The following HSPA8 variants were observed in gnomAD, a reference collection of about 807,000 sequenced individuals.
HSPA8 encodes the protein heat shock cognate 71 kDa protein.
A neutral mutation model predicts 52.8 loss-of-function variants in HSPA8; 2 were observed. That is an observed-to-expected ratio of 0.04 (90% CI 0.02 to 0.12). The LOEUF is 0.12. Ranked by LOEUF, HSPA8 falls within the 10% of genes least tolerant of loss-of-function variation. HSPA8 has a pLI of 1.00. For synonymous variants in HSPA8, 436 were observed against 274.0 expected (o/e 1.59, Z -5.84); for missense variants, 349 against 800.5 (o/e 0.44, Z 6.81).
rs934123811 is a variant in HSPA8, at chr11:123,062,074, G to C, written c.-16C>G. 6.5e-6 allele frequency: 1 copy of C among 152,718 alleles called. No individual in the cohort carries two copies. Among genetic ancestry groups the C allele is most frequent in the African/African-American group, 2.4e-5 (1 of 41,454 alleles). 9.5% of individuals were successfully genotyped at this position (152,718 alleles called of 1,614,324 possible). On this transcript the variant is annotated 5_prime_UTR_variant, in exon 1 of 9. Transcript: ENST00000534624. ...GAGCAGAGGTTTTACCTGGGGTGTA[G>C]GCCTGGCTCCAATAACGAAGGAAGC...
At chr11:123,059,331 T>A (rs1169096275) in intron 5 of HSPA8, 70 bp from the exon 6 acceptor site, 1 of 1,424,870 alleles carries the variant, frequency 7.0e-7, no homozygotes, top group Non-Finnish European at 9.8e-7. Context: ...GTTTTAACTA[T>A]CACTCGCTCA....
intron 6 of HSPA8, 102 bp downstream of exon 6, chr11:123,058,952 CTGGTG>C (rs541493124): frequency 1.4e-6 from 2 of 1,387,804 alleles, no homozygotes; most frequent in South Asian, 1.2e-5. Context: ...ATAAGACTTT[CTGGTG>C]GAAACTACGA....
intron 1 of HSPA8, 56 bp downstream of exon 1, chr11:123,062,008 G>C (rs1051130080): frequency 6.5e-6 from 1 of 153,996 alleles, no homozygotes; most frequent in Non-Finnish European, 1.4e-5. Flanking sequence ...CAACAGGCCT[G>C]TGTGGAGGCT....
intron 8 of HSPA8, 51 bp from the exon 9 acceptor site, chr11:123,057,970 C>G (rs1301549794): frequency 7.2e-7 from 1 of 1,396,344 alleles, no homozygotes; most frequent in Non-Finnish European, 9.8e-7. Context: ...GTTAATAACC[C>G]TTCTTTCTCC....
chr11:123,058,331 T>C lies in HSPA8; in HGVS notation c.1676A>G (p.Gln559Arg), dbSNP rs1468625294. 4 of 1,613,790 alleles carry C rather than the reference T, an allele frequency of 2.5e-6. No individual in the cohort carries two copies. Among genetic ancestry groups the C allele is most frequent in the African/African-American group, 2.7e-5 (2 of 74,894 alleles). The change falls in exon 8 of 9, where the codon CAA (glutamine) becomes CGA (arginine). Residue 559 changes from glutamine to arginine, a missense_variant. Coordinates refer to ENST00000534624, the MANE Select transcript of HSPA8 (RefSeq NM_006597.6). ...MKATVEDEKLQGKINDEDKQK... is the reference protein window; with the variant it reads ...MKATVEDEKLRGKINDEDKQK... ...TTTGTCCTCATCGTTAATCTTGCCT[T>C]GAAGTTTCTCATCTTCAACAGTTGC...
At position 123,061,205 on chromosome 11, in the gene HSPA8, G is replaced by A. The variant is rs750047710; in HGVS notation, c.120C>T (p.Ser40=). 3.1e-6 allele frequency: 5 copies of A among 1,613,902 alleles called. No individual in the cohort carries two copies. Among genetic ancestry groups the A allele is most frequent in the Admixed American group, 1.7e-5 (1 of 60,014 alleles). ...GTTCAGTGTCCGTAAAGGCGACATA[G>A]CTTGGAGTGGTTCGGTTTCCCTGAT... ...ANDQGNRTTP[S]YVAFTDTERL... is the part of the protein sequence containing the mutation. The change falls in exon 2 of 9, where the codon AGC becomes AGT. Residue 40 remains serine (S), a synonymous_variant. Coordinates refer to ENST00000534624, the MANE Select transcript of HSPA8 (RefSeq NM_006597.6).
intron 4 of HSPA8, 25 bp from the exon 5 acceptor site, chr11:123,060,053 AAAT>A: frequency 1.2e-6 from 2 of 1,614,116 alleles, no homozygotes; most frequent in Non-Finnish European, 1.7e-6. Flanking sequence ...AATCTCATTT[AAAT>A]TTACGATGGA....
chr11:123,059,421 G>GAGTCT, intron 5 of HSPA8, 52 bp downstream of exon 5: 1 of 1,492,968 alleles, frequency 6.7e-7, no homozygotes, highest in Admixed American at 1.8e-5. Context: ...TCATCACAGC[G>GAGTCT]AGTCACCTTG....
intron 3 of HSPA8, 95 bp downstream of exon 3, chr11:123,060,498 T>C (rs1865461924): frequency 9.7e-7 from 1 of 1,034,478 alleles, no homozygotes; most frequent in African/African-American, 1.6e-5. Context: ...CTGAGCCCCA[T>C]CTGTTCCCCT....
chr11:123,058,644 T>C lies in HSPA8; in HGVS notation c.1510A>G (p.Thr504Ala), dbSNP rs2135440025. ...STGKENKITI[T>A]NDKGRLSKED... ...AGTGCCTCCTTACCCTTGTCATTAG[T>C]GATAGTAATCTTGTTCTCTTTTCCC... The change falls in exon 7 of 9, where the codon ACT becomes GCT. Residue 504 changes from threonine to alanine, a missense_variant. By Grantham distance (58) the Thr-to-Ala change is moderately conservative. Coordinates refer to ENST00000534624, the MANE Select transcript of HSPA8 (RefSeq NM_006597.6). 6.2e-7 allele frequency: 1 copy of C among 1,612,898 alleles called. No homozygotes were observed. Among genetic ancestry groups the C allele is most frequent in the South Asian group, 1.1e-5 (1 of 91,074 alleles).
At chr11:123,062,460 G>GA (rs1356419020), upstream of HSPA8, 1 of 152,300 alleles carries the variant, frequency 6.6e-6, no homozygotes, top group African/African-American at 2.4e-5. Context: ...CCGGGCGGGG[G>GA]AGGGGAGCGT....
At position 123,059,245 on chromosome 11, in the gene HSPA8, G is replaced by A. The variant is rs1197728906; in HGVS notation, c.1137C>T (p.Ile379=). 1.9e-6 allele frequency: 3 copies of A among 1,612,836 alleles called. No individual in the cohort carries two copies. Among genetic ancestry groups the A allele is most frequent in the African/African-American group, 2.7e-5 (2 of 74,880 alleles). The part of the protein sequence containing the change: ...VAYGAAVQAA[I]LSGDKSENVQ... ...CATTCTCAGACTTGTCTCCAGACAA[G>A]ATGGCTGCCTGGACAGCTAGCAAAC... The change falls in exon 6 of 9, where the codon ATC becomes ATT. Residue 379 remains isoleucine, a synonymous_variant. Transcript: ENST00000534624.
At chr11:123,061,924 G>T (rs1055502051) in intron 1 of HSPA8, 140 bp downstream of exon 1, 2 of 157,204 alleles carry the variant, frequency 1.3e-5, no homozygotes, top group African/African-American at 4.8e-5. Context: ...GAAAACTGAG[G>T]CCCTTTAAGC....
At chr11:123,061,465 ACG>A in intron 1 of HSPA8, 136 bp from the exon 2 acceptor site, 1 of 690,192 alleles carries the variant, frequency 1.4e-6, no homozygotes, top group South Asian at 1.8e-5. Context: ...CTGTCTAAGC[ACG>A]CGCGAGGTCC....
intron 1 of HSPA8, 73 bp from the exon 2 acceptor site, chr11:123,061,402 T>A: frequency 8.3e-7 from 1 of 1,207,678 alleles, no homozygotes; most frequent in Non-Finnish European, 1.2e-6. Context: ...ACAGAACACT[T>A]AACCAGGAAA....
intron 7 of HSPA8, 43 bp downstream of exon 7, chr11:123,058,589 A>G (rs773535665): frequency 3.8e-6 from 6 of 1,585,216 alleles, no homozygotes; most frequent in Non-Finnish European, 5.2e-6. Context: ...CTCAATTGAA[A>G]TACCATTATC....
chr11:123,059,098 G>A lies in HSPA8; in HGVS notation c.1284C>T (p.Phe428=), dbSNP rs1865412100. The change falls in exon 6 of 9, where the codon TTC becomes TTT. Residue 428 remains phenylalanine (F), a synonymous_variant. Transcript: ENST00000534624. ...CAGGCTGGTTGTCAGAATAGGTAGTGAAGGTCTGTGTCTGCTTGGTAGGAA... is the reference window on the plus strand; with the variant it reads ...CAGGCTGGTTGTCAGAATAGGTAGTAAAGGTCTGTGTCTGCTTGGTAGGAA... The part of the protein sequence containing the change: ...TTIPTKQTQT[F]TTYSDNQPGV... The A allele has an allele frequency of 1.9e-6, 3 of 1,612,352 alleles. No individual in the cohort carries two copies. Among genetic ancestry groups the A allele is most frequent in the East Asian group, 2.2e-5 (1 of 44,888 alleles).
intron 1 of HSPA8, chr11:123,061,580 G>A: frequency 1.9e-6 from 1 of 536,750 alleles, no homozygotes; most frequent in Non-Finnish European, 3.4e-6. Flanking sequence ...CTCAACACGT[G>A]GTCTTACCCC....
Position 123,057,697 on chromosome 11 carries a change from A to C in HSPA8, c.*37T>G. On this transcript the variant is annotated 3_prime_UTR_variant, in exon 9 of 9. Transcript: ENST00000534624. ...GAATTTAGGTCCTTCAAATGTTTTA[A>C]ATGTGTGGAACAATGCTACATCTAC... is the stretch of plus-strand genomic sequence containing the variant. 2 of 1,525,802 alleles carry C rather than the reference A, an allele frequency of 1.3e-6. No individual in the cohort carries two copies. Among genetic ancestry groups the C allele is most frequent in the Non-Finnish European group, 8.9e-7 (1 of 1,128,254 alleles). The allele number at this position is 1,525,802 out of a possible 1,614,324, so 94.5% of individuals were successfully genotyped here. A position where few individuals can be genotyped will look rare whatever the true frequency, so the allele number is the denominator to read the frequency against.
Sources: gnomAD v4.1 joint callset for allele counts on GRCh38, gnomAD v4.1.1 for gene constraint, MANE v1.5 for transcripts, NCBI Gene and HGNC (gene_info 2026-07-23, HGNC 2026-07-21) for gene names.